EBF2: variants seen among roughly 807,000 people sequenced by gnomAD.
The protein encoded by EBF2 is transcription factor COE2.
A neutral mutation model predicts 72.8 loss-of-function variants in EBF2; 21 were observed. The observed-to-expected ratio is 0.29, with a 90% CI of 0.20 to 0.42. EBF2 has a LOEUF of 0.42. Ranked by LOEUF, EBF2 falls within the 10% of genes least tolerant of loss-of-function variation. The pLI is 1.00. For synonymous variants in EBF2, 299 were observed against 274.2 expected (o/e 1.09, Z -0.89); for missense variants, 637 against 731.2 (o/e 0.87, Z 1.49).
intron 5 of EBF2, among the ~76,000 whole-genome samples, chr8:26,033,599 G>A (rs1035744079): frequency 7.2e-5 from 11 of 152,150 alleles, no homozygotes; most frequent in African/African-American, 2.4e-4. Context: ...TCCGAGGGGT[G>A]GTGCAGGGAG....
At chr8:26,030,209 T>C (rs1030189766) in intron 6 of EBF2, among the ~76,000 whole-genome samples, 1 of 152,182 alleles carries the variant, frequency 6.6e-6, no homozygotes, top group Non-Finnish European at 1.5e-5. Context: ...GAGACAAGGT[T>C]TCAGTGAGAG....
intron 6 of EBF2, among the ~76,000 whole-genome samples, chr8:26,009,550 G>A (rs1279301594): frequency 6.6e-6 from 1 of 152,162 alleles, no homozygotes; most frequent in Non-Finnish European, 1.5e-5. Flanking sequence ...TGCAAAACGT[G>A]GGCAACTTGG....
chr8:25,900,156 T>C (rs2117304377), intron 7 of EBF2, among the ~76,000 whole-genome samples: 1 of 152,308 alleles, frequency 6.6e-6, no homozygotes, highest in East Asian at 1.9e-4. Context: ...TTTTCTTTCA[T>C]TAGAAATGTG....
intron 6 of EBF2, among the ~76,000 whole-genome samples, chr8:26,022,622 T>C (rs933877848): frequency 1.8e-4 from 28 of 152,292 alleles, no homozygotes; most frequent in African/African-American, 5.8e-4. Context: ...TCCGTGGAGT[T>C]AGGAATTTCT....
chr8:25,992,284 C>T (rs1029187862), intron 6 of EBF2, among the ~76,000 whole-genome samples: 3 of 131,800 alleles, frequency 2.3e-5, no homozygotes, highest in Non-Finnish European at 3.1e-5. Context: ...CAATGAGCCA[C>T]GATCGCGCCA....
intron 10 of EBF2, among the ~76,000 whole-genome samples, chr8:25,864,799 A>AT (rs568818867): frequency 0.21 from 29,146 of 137,996 alleles, 3,713 homozygotes; most frequent in East Asian, 0.38. Context: ...TTTCTCAACT[A>AT]TTTTTTTTTT....
rs375264448 is a variant in EBF2, at chr8:25,850,601, T to G, written c.1689A>C (p.Gly563=). The G allele has an allele frequency of 7.1e-6, 11 of 1,560,086 alleles. No homozygotes were observed. In the African/African-American group the frequency reaches 1.3e-4, roughly 18 times the overall value. ...AATAGAACCCTTGCTTACCTCTGAATCCATTTCCATTGCCGCTGGAGCAGG... is the reference window on the plus strand; with the variant it reads ...AATAGAACCCTTGCTTACCTCTGAAGCCATTTCCATTGCCGCTGGAGCAGG... The part of the protein sequence containing the change: ...SPACSSGNGN[G]FRAMTGLVVP... The change falls in exon 15 of 16, where the codon GGA becomes GGC. Residue 563 remains glycine, a synonymous_variant. Coordinates refer to ENST00000520164, the MANE Select transcript of EBF2 (RefSeq NM_022659.4).
chr8:25,956,517 A>G (rs896948107), intron 6 of EBF2, among the ~76,000 whole-genome samples: 8 of 152,206 alleles, frequency 5.3e-5, no homozygotes, highest in African/African-American at 1.9e-4. Context: ...TAGTGTAGCC[A>G]TCATCTCAAT....
chr8:25,875,022 T>G (rs1222695898), intron 10 of EBF2, among the ~76,000 whole-genome samples: 1 of 152,098 alleles, frequency 6.6e-6, no homozygotes, highest in East Asian at 1.9e-4. Flanking sequence ...TGACCCCCTG[T>G]CCCTCTCCTG....
chr8:25,987,161 C>A (rs1482225893), intron 6 of EBF2, among the ~76,000 whole-genome samples: 1 of 152,174 alleles, frequency 6.6e-6, no homozygotes, highest in Non-Finnish European at 1.5e-5. Context: ...TGGAATCTGA[C>A]TTAGCAAAGA....
intron 6 of EBF2, among the ~76,000 whole-genome samples, chr8:25,935,126 C>CT (rs1187754772): frequency 4.6e-5 from 7 of 152,026 alleles, no homozygotes; most frequent in African/African-American, 1.7e-4. Context: ...TGGTGGTACC[C>CT]AAGGCCCCCC....
intron 6 of EBF2, among the ~76,000 whole-genome samples, chr8:25,978,308 C>T (rs182879426): frequency 2.7e-3 from 406 of 152,338 alleles, no homozygotes; most frequent in African/African-American, 8.7e-3. Flanking sequence ...GGAAGGAGAG[C>T]AGCGGCATTT....
intron 6 of EBF2, among the ~76,000 whole-genome samples, chr8:25,925,943 A>G (rs1458356821): frequency 6.6e-6 from 1 of 152,192 alleles, no homozygotes; most frequent in Admixed American, 6.5e-5. Flanking sequence ...CTCTGATTAT[A>G]AATATTGCTG....
At chr8:25,981,793 TAA>T (rs11422902) in intron 6 of EBF2, among the ~76,000 whole-genome samples, 4 of 140,154 alleles carry the variant, frequency 2.9e-5, no homozygotes, top group Non-Finnish European at 4.6e-5. Flanking sequence ...GACTCCATCT[TAA>T]AAAAAAAAAA....
chr8:25,961,823 T>C (rs1183309492), intron 6 of EBF2, among the ~76,000 whole-genome samples: 12 of 152,174 alleles, frequency 7.9e-5, no homozygotes, highest in Non-Finnish European at 1.5e-5. Context: ...ATGAACCAAA[T>C]AGAGGTATCT....
At chr8:25,888,838 G>A (rs1344639902) in intron 8 of EBF2, among the ~76,000 whole-genome samples, 2 of 152,156 alleles carry the variant, frequency 1.3e-5, no homozygotes, top group South Asian at 2.1e-4. Flanking sequence ...AAAAACATGA[G>A]CCCCCTTTGA....
chr8:25,957,200 C>T (rs71517863), intron 6 of EBF2, among the ~76,000 whole-genome samples: 45,281 of 152,062 alleles, frequency 0.3, 6,935 homozygotes, highest in Middle Eastern at 0.38. Context: ...CCATTTCCCC[C>T]CCAAGAGCAA....
chr8:25,965,287 A>C (rs998353427), intron 6 of EBF2, among the ~76,000 whole-genome samples: 5 of 152,174 alleles, frequency 3.3e-5, no homozygotes, highest in Admixed American at 2.6e-4. Context: ...GTACCTATTC[A>C]GTCTATAACG....
At chr8:26,011,057 A>G (rs1049355384) in intron 6 of EBF2, among the ~76,000 whole-genome samples, 1 of 152,024 alleles carries the variant, frequency 6.6e-6, no homozygotes, top group Non-Finnish European at 1.5e-5. Context: ...GCAAAAGTTA[A>G]TAACTCCACT....
Sources: allele counts gnomAD v4.1 joint callset (sites outside exome capture counted in the v4.1 genomes callset), GRCh38; gene constraint gnomAD v4.1.1; transcripts MANE v1.5; gene names NCBI Gene and HGNC (gene_info 2026-07-23, HGNC 2026-07-21).